Variants in SCUBE1 observed in about 807,000 individuals in gnomAD.
SCUBE1 encodes the protein signal peptide, CUB and EGF-like domain-containing protein 1.
SCUBE1 carries 59 observed loss-of-function variants against 124.4 expected under a neutral mutation model. The observed-to-expected ratio is 0.47, with a 90% CI of 0.38 to 0.59. The LOEUF is 0.59. SCUBE1 is among the 20% of genes least tolerant of loss of function. The pLI is 0.00. For synonymous variants in SCUBE1, 545 were observed against 550.9 expected, an observed-to-expected ratio of 0.99 and a Z score of 0.15; for missense variants, 1,150 against 1,371.2, an observed-to-expected ratio of 0.84 and a Z score of 2.55.
Position 43,222,626 on chromosome 22 carries a change from C to CCG in SCUBE1, c.1432+11_1432+12insCG, listed in dbSNP as rs1221181718. The CCG allele has an allele frequency of 1.7e-5, 26 of 1,563,906 alleles. No homozygotes were observed. The highest frequency in any genetic ancestry group is 2.2e-5 in the Non-Finnish European group (25 of 1,155,336). ...CCAGTGGCATGCAGCATGGACAGGC[C>CCG]GGGGGGGTTACCTGAGCAGCTGGGC... On this transcript the variant is annotated intron_variant, in intron 12 of 21. Coordinates refer to ENST00000360835, the MANE Select transcript of SCUBE1 (RefSeq NM_173050.5).
chr22:43,261,357 G>A (rs947430829), intron 5 of SCUBE1, among the ~76,000 whole-genome samples: 3 of 152,174 alleles, frequency 2.0e-5, no homozygotes, highest in Non-Finnish European at 2.9e-5. Flanking sequence ...CCACCCCACA[G>A]GAAAGAGCCA....
chr22:43,277,360 GGCT>G (rs1463101758), intron 4 of SCUBE1, among the ~76,000 whole-genome samples: 1 of 152,152 alleles, frequency 6.6e-6, no homozygotes, highest in African/African-American at 2.4e-5. Context: ...CAGTGGTTCT[GGCT>G]GCTACCAGAA....
chr22:43,285,090 A>G (rs1042838725), intron 4 of SCUBE1, among the ~76,000 whole-genome samples: 2 of 152,168 alleles, frequency 1.3e-5, no homozygotes, highest in Non-Finnish European at 2.9e-5. Flanking sequence ...GTTCCAGTGC[A>G]TAAAACCCCA....
intron 7 of SCUBE1, 62 bp from the exon 8 acceptor site, chr22:43,231,937 G>A (rs1165156173): frequency 1.9e-6 from 3 of 1,592,626 alleles, no homozygotes; most frequent in Admixed American, 3.4e-5. Flanking sequence ...GTGACCAGCG[G>A]GGGGACGGCA....
chr22:43,217,550 C>G (rs1248119216), intron 15 of SCUBE1, among the ~76,000 whole-genome samples: 1 of 152,162 alleles, frequency 6.6e-6, no homozygotes, highest in East Asian at 1.9e-4. Context: ...CGCGCATGAG[C>G]CTGCGTCCTT....
Position 43,231,805 on chromosome 22 carries a change from C to T in SCUBE1, c.915G>A (p.Glu305=). The T allele has an allele frequency of 6.2e-7, 1 of 1,612,800 alleles. No homozygotes were observed. Among genetic ancestry groups the T allele is most frequent in the Non-Finnish European group, 8.5e-7 (1 of 1,179,636 alleles). ...HFCRNTVGSF[E]CGCRKGYKLL... ...GCTTGTAGCCCTTCCGGCAGCCGCA[C>T]TCGAAGCTGCCCACGGTGTTGCGGC... Residue 305 remains glutamate, a synonymous_variant, in exon 8 of 22, where the codon GAG becomes GAA. Transcript: ENST00000360835.
chr22:43,303,018 C>G (rs1386542264), intron 3 of SCUBE1, among the ~76,000 whole-genome samples: 1 of 152,240 alleles, frequency 6.6e-6, no homozygotes, highest in Non-Finnish European at 1.5e-5. Context: ...TCCCACGACA[C>G]CCCAGGTGAC....
At chr22:43,248,805 C>A (rs2086542721) in intron 6 of SCUBE1, among the ~76,000 whole-genome samples, 1 of 152,212 alleles carries the variant, frequency 6.6e-6, no homozygotes, top group African/African-American at 2.4e-5. Context: ...CAAGCACGTC[C>A]AGGCTGCAGG....
At position 43,258,228 on chromosome 22, in the gene SCUBE1, T is replaced by C; in HGVS notation, c.718A>G (p.Thr240Ala). The C allele has an allele frequency of 6.2e-7, 1 of 1,612,794 alleles. No homozygotes were observed. The highest frequency in any genetic ancestry group is 8.5e-7 in the Non-Finnish European group (1 of 1,178,998). The change falls in exon 6 of 22, where the codon ACG (threonine) becomes GCG (alanine). Residue 240 changes from threonine to alanine, a missense_variant. Around this residue, in one of 3 missense-constraint regions of SCUBE1, gnomAD observed 337 missense variants for 482.1 expected, o/e 0.70. Transcript: ENST00000360835. This position sits in a 1 kb window ranked among gnomAD's most constrained non-coding sequence, Gnocchi z 5.0. ...QKYALHSDGR[T>A]CIETCAVNNG... is the part of the protein sequence containing the mutation. ...AGAGGTGCCTACTTACCGATGCACG[T>C]GCGACCGTCTGAGTGGAGGGCGTAC...
chr22:43,245,094 C>G (rs1923154427), intron 6 of SCUBE1, among the ~76,000 whole-genome samples: 2 of 152,274 alleles, frequency 1.3e-5, no homozygotes, highest in African/African-American at 4.8e-5. Flanking sequence ...CCCTGGCAAG[C>G]CCCTGACACA....
intron 3 of SCUBE1, among the ~76,000 whole-genome samples, chr22:43,303,469 A>G (rs1205408464): frequency 2.0e-5 from 3 of 152,250 alleles, no homozygotes; most frequent in African/African-American, 7.2e-5. Context: ...GGCAACAACC[A>G]GGACTAAGGA....
intron 2 of SCUBE1, among the ~76,000 whole-genome samples, chr22:43,338,165 T>C (rs751952727): frequency 3.3e-5 from 5 of 152,180 alleles, no homozygotes; most frequent in Admixed American, 6.5e-5. Context: ...ATGCAGACTC[T>C]CATGGACAAA....
chr22:43,212,918 C>T (rs754074901), intron 16 of SCUBE1, among the ~76,000 whole-genome samples: 3 of 152,122 alleles, frequency 2.0e-5, no homozygotes, highest in Non-Finnish European at 4.4e-5. Context: ...GGGCAGGTCA[C>T]GTGTCTCAGA....
In SCUBE1 at chr22:43,229,151, G is replaced by A; in HGVS notation, c.1005C>T (p.His335=). ...DECSFERTCD[H]ICINSPGSFQ... ...AGCTGCCCGGGGAGTTGATGCAGAT[G>A]TGGTCACAGGTCCGCTCGAAGGAGC... The change falls in exon 9 of 22, where the codon CAC becomes CAT. Residue 335 remains histidine (H), a synonymous_variant. Coordinates refer to ENST00000360835, the MANE Select transcript of SCUBE1 (RefSeq NM_173050.5). The A allele has an allele frequency of 6.2e-7, 1 of 1,614,064 alleles. No individual in the cohort carries two copies. Among genetic ancestry groups the A allele is most frequent in the Non-Finnish European group, 8.5e-7 (1 of 1,180,006 alleles).
In SCUBE1 at chr22:43,301,438, T is replaced by TG. The variant is rs1277055875; in HGVS notation, c.350-10259dup. ...CGCCTCCAGCCAGGCTGCTGTGTCC[T>TG]GCTCTCCCTTGACCCCAGCTGTCCT... On this transcript the variant is annotated intron_variant, in intron 3 of 21. Transcript: ENST00000360835. Among the ~76,000 whole-genome samples, 9 of 152,336 alleles carry TG rather than the reference T, an allele frequency of 5.9e-5. No individual in the cohort carries two copies. In the East Asian group the frequency reaches 1.7e-3, roughly 29 times the overall value.
At chr22:43,288,488 G>A (rs1017921949) in intron 4 of SCUBE1, among the ~76,000 whole-genome samples, 27 of 152,040 alleles carry the variant, frequency 1.8e-4, no homozygotes, top group Admixed American at 1.4e-3. Context: ...CCACCTCCCC[G>A]CCTCGGGCTC....
chr22:43,251,779 T>C (rs1923459879), intron 6 of SCUBE1, among the ~76,000 whole-genome samples: 1 of 152,150 alleles, frequency 6.6e-6, no homozygotes, highest in African/African-American at 2.4e-5. Context: ...ACGTGCGTCG[T>C]CTTAAGCAAC....
At chr22:43,316,192 T>C (rs1013076647) in intron 3 of SCUBE1, among the ~76,000 whole-genome samples, 1 of 152,182 alleles carries the variant, frequency 6.6e-6, no homozygotes, top group Non-Finnish European at 1.5e-5. Context: ...CCCTACCAGA[T>C]AGGGACTATG....
chr22:43,325,377 A>G (rs1229126925), intron 2 of SCUBE1, among the ~76,000 whole-genome samples: 1 of 135,670 alleles, frequency 7.4e-6, no homozygotes, highest in African/African-American at 2.8e-5. Flanking sequence ...CCGGAGGCGG[A>G]GGTTGCGATG....
Sources: allele counts gnomAD v4.1 joint callset (sites outside exome capture counted in the v4.1 genomes callset), GRCh38; gene constraint gnomAD v4.1.1; regional missense constraint gnomAD v4.1.1; non-coding constraint Gnocchi (gnomAD v3.1); transcripts MANE v1.5; gene names NCBI Gene and HGNC (gene_info 2026-07-23, HGNC 2026-07-21).